The following UGT1A6 variants were observed in gnomAD, a reference collection of about 807,000 sequenced individuals.
UGT1A6 encodes UDP-glucuronosyltransferase 1A6.
In UGT1A6, 32 loss-of-function variants were observed where a neutral mutation model predicts 44.4. That is an observed-to-expected ratio of 0.72 (90% CI 0.54 to 0.97). The LOEUF (loss-of-function observed/expected upper bound fraction) is 0.97, where lower values mean the gene tolerates loss of function less well. UGT1A6 is among the 50% of genes least tolerant of loss of function. UGT1A6 has a pLI of 0.00. For synonymous variants in UGT1A6, 238 were observed against 248.5 expected, an observed-to-expected ratio of 0.96 and a Z score of 0.40; for missense variants, 685 against 661.9, an observed-to-expected ratio of 1.03 and a Z score of -0.38.
chr2:233,745,474 T>C (rs1693117475), intron 1 of UGT1A6, among the ~76,000 whole-genome samples: 1 of 151,746 alleles, frequency 6.6e-6, no homozygotes, highest in African/African-American at 2.4e-5. Context: ...GGGAAAATGA[T>C]TAACCAAAGA....
intron 1 of UGT1A6, among the ~76,000 whole-genome samples, chr2:233,734,449 A>ATTTTCTTGATC (rs200649315): frequency 0.065 from 9,832 of 151,068 alleles, 532 homozygotes; most frequent in African/African-American, 0.16. Context: ...AGGTCTATCA[A>ATTTTCTTGATC]TTTTCAAAAT....
chr2:233,772,314 G>T lies in UGT1A6; in HGVS notation c.1354G>T (p.Glu452Ter). The T allele has an allele frequency of 6.2e-7, 1 of 1,614,222 alleles. No individual in the cohort carries two copies. The highest frequency in any genetic ancestry group is 8.5e-7 in the Non-Finnish European group (1 of 1,180,048). ...LSSLHKDRPV[E>*]PLDLAVFWVE... is the part of the protein sequence containing the mutation. Reference sequence around the variant, plus strand: ...CAGCCTTCACAAGGACCGCCCGGTGGAGCCGCTGGACCTGGCCGTGTTCTG... The same window carrying T: ...CAGCCTTCACAAGGACCGCCCGGTGTAGCCGCTGGACCTGGCCGTGTTCTG... Residue 452 changes from glutamate (E) to a stop codon, truncating the protein, a stop_gained, in exon 5 of 5, where the codon GAG (glutamate) becomes TAG (stop). Transcript: ENST00000305139. LOFTEE classifies it high-confidence loss of function.
At chr2:233,736,092 T>A (rs2078731726) in intron 1 of UGT1A6, among the ~76,000 whole-genome samples, 1 of 152,262 alleles carries the variant, frequency 6.6e-6, no homozygotes. Flanking sequence ...CTGGATAATA[T>A]CCTGAAGAGT....
intron 4 of UGT1A6, 92 bp downstream of exon 4, chr2:233,768,531 G>T: frequency 5.4e-6 from 8 of 1,481,574 alleles, no homozygotes; most frequent in South Asian, 4.1e-5. Context: ...ATTTAATAGC[G>T]TTGTTTCAAA....
rs1267611137 is a variant in UGT1A6 at position 233,724,759 on chromosome 2, C to T, written c.861+30894C>T. 1.5e-4 allele frequency among the ~76,000 whole-genome samples: 22 copies of T among 143,568 alleles called. 2 individuals are homozygous for T. Among genetic ancestry groups the T allele is most frequent in the East Asian group, 4.4e-4 (2 of 4,564 alleles). 94.2% of individuals were successfully genotyped at this position (143,568 alleles called of 152,430 possible). A position where few individuals can be genotyped will look rare whatever the true frequency, so the allele number is the denominator to read the frequency against. On this transcript the variant is annotated intron_variant, in intron 1 of 4. Transcript: ENST00000305139. ...GGCTCCTCACATCCCAGACGATGGG[C>T]GGCCAGGCAGAGACACTCCTCACTT... is the stretch of plus-strand genomic sequence containing the variant.
chr2:233,729,082 G>T (rs2077787378), intron 1 of UGT1A6: 1 of 1,612,130 alleles, frequency 6.2e-7, no homozygotes, highest in Admixed American at 1.7e-5. Flanking sequence ...AATGTAGCAG[G>T]CACAGCGTGG....
chr2:233,729,966 C>G, intron 1 of UGT1A6: 1 of 1,614,088 alleles, frequency 6.2e-7, no homozygotes, highest in Non-Finnish European at 8.5e-7. Context: ...GGGGCATCAA[C>G]TGTGCCAACA....
At position 233,767,069 on chromosome 2, in the gene UGT1A6, T is replaced by C. The variant is rs778321344; in HGVS notation, c.897T>C (p.His299=). 42 of 1,614,040 alleles carry C rather than the reference T, an allele frequency of 2.6e-5. No homozygotes were observed. The highest frequency in any genetic ancestry group is 3.4e-5 in the Non-Finnish European group (40 of 1,180,020). The change falls in exon 2 of 5, where the codon CAT becomes CAC. Residue 299 remains histidine, a synonymous_variant. Transcript: ENST00000305139. ...CCTACATTAATGCTTCTGGAGAACA[T>C]GGAATTGTGGTTTTCTCTTTGGGAT... is the stretch of plus-strand genomic sequence containing the variant. ...FEAYINASGE[H]GIVVFSLGSM...
chr2:233,737,372 G>T (rs992613847), intron 1 of UGT1A6, among the ~76,000 whole-genome samples: 12 of 152,258 alleles, frequency 7.9e-5, no homozygotes, highest in African/African-American at 2.7e-4. Flanking sequence ...CCAGGCAGGG[G>T]AGAGAATCTC....
chr2:233,711,943 C>T (rs192245283), intron 1 of UGT1A6, among the ~76,000 whole-genome samples: 111 of 152,264 alleles, frequency 7.3e-4, no homozygotes, highest in Admixed American at 1.6e-3. Context: ...GAAAGGCACA[C>T]GTTTAATTCT....
At chr2:233,718,247 CA>C (rs1259915716) in intron 1 of UGT1A6, among the ~76,000 whole-genome samples, 1 of 152,186 alleles carries the variant, frequency 6.6e-6, no homozygotes, top group African/African-American at 2.4e-5. Flanking sequence ...TTGAGCTTTA[CA>C]AGAAATATCC....
intron 4 of UGT1A6, 33 bp downstream of exon 4, chr2:233,768,472 C>A: frequency 6.3e-7 from 1 of 1,596,838 alleles, no homozygotes; most frequent in South Asian, 1.1e-5. Flanking sequence ...ATACTTTGGT[C>A]ATGGCATTCA....
chr2:233,717,657 C>T (rs2076595751), intron 1 of UGT1A6: 1 of 407,814 alleles, frequency 2.5e-6, no homozygotes, highest in South Asian at 1.8e-5. Context: ...GACAAGGAAG[C>T]ATCAGCAATC....
chr2:233,692,634 G>A (rs981201008), upstream of UGT1A6, among the ~76,000 whole-genome samples: 6 of 152,278 alleles, frequency 3.9e-5, no homozygotes, highest in East Asian at 1.2e-3. Context: ...AACAGACAAC[G>A]TCAATGATGA....
chr2:233,743,017 T>C (rs1054805), intron 1 of UGT1A6: 1 of 239,620 alleles, frequency 4.2e-6, no homozygotes, highest in Non-Finnish European at 8.3e-6. Flanking sequence ...TTACAACGAT[T>C]GAAAGACAAA....
intron 1 of UGT1A6, among the ~76,000 whole-genome samples, chr2:233,735,627 A>T (rs1296033984): frequency 1.3e-5 from 2 of 152,164 alleles, no homozygotes; most frequent in Non-Finnish European, 2.9e-5. Flanking sequence ...ACAATTTGGC[A>T]TGTTTTTGCA....
At chr2:233,743,187 A>G (rs904489240) in intron 1 of UGT1A6, 11 of 373,380 alleles carry the variant, frequency 2.9e-5, no homozygotes, top group Middle Eastern at 3.7e-4. Flanking sequence ...GTGGACTGGA[A>G]TTACTTGGTG....
At chr2:233,762,867 G>T (rs1181874118) in intron 1 of UGT1A6, among the ~76,000 whole-genome samples, 2 of 151,628 alleles carry the variant, frequency 1.3e-5, no homozygotes, top group African/African-American at 2.4e-5. Flanking sequence ...AAGAAATTTT[G>T]GTTTCTTCTC....
In UGT1A6 at chr2:233,772,467, T is replaced by G; in HGVS notation, c.1507T>G (p.Phe503Val). The G allele has an allele frequency of 6.8e-6, 11 of 1,614,156 alleles. No individual in the cohort carries two copies. The highest frequency in any genetic ancestry group is 9.3e-6 in the Non-Finnish European group (11 of 1,180,034). Residue 503 changes from phenylalanine (F) to valine (V), a missense_variant, in exon 5 of 5, where the codon TTC becomes GTC. Coordinates refer to ENST00000305139, the MANE Select transcript of UGT1A6 (RefSeq NM_001072.4). Reference sequence around the variant, plus strand: ...CTTGGCCGTCGTGCTGACAGTGGCCTTCATCACCTTTAAATGTTGTGCTTA... The same window carrying G: ...CTTGGCCGTCGTGCTGACAGTGGCCGTCATCACCTTTAAATGTTGTGCTTA... ...FLLAVVLTVA[F>V]ITFKCCAYGY...
Sources: allele counts gnomAD v4.1 joint callset (sites outside exome capture counted in the v4.1 genomes callset), GRCh38; gene constraint gnomAD v4.1.1; transcripts MANE v1.5; gene names NCBI Gene and HGNC (gene_info 2026-07-23, HGNC 2026-07-21).